Variants in BTBD9 observed in about 807,000 individuals in gnomAD.
BTBD9 encodes the protein BTB/POZ domain-containing protein 9.
A neutral mutation model predicts 64.3 loss-of-function variants in BTBD9; 49 were observed. That is an observed-to-expected ratio of 0.76 (90% CI 0.61 to 0.97). BTBD9 has a LOEUF of 0.97. Ranked by LOEUF, BTBD9 falls within the 50% of genes least tolerant of loss-of-function variation. The probability of loss-of-function intolerance (pLI) is 0.00; values close to 1 mark genes in which losing one functional copy is unlikely to be tolerated. For synonymous variants in BTBD9, 260 were observed against 274.7 expected, an observed-to-expected ratio of 0.95 and a Z score of 0.53; for missense variants, 598 against 762.1, an observed-to-expected ratio of 0.78 and a Z score of 2.53.
chr6:38,505,969 A>C (rs1333683447), intron 6 of BTBD9, among the ~76,000 whole-genome samples: 1 of 112,246 alleles, frequency 8.9e-6, no homozygotes, highest in Non-Finnish European at 1.7e-5. Context: ...CTCAACAAAA[A>C]AAAAAAAAAA....
intron 8 of BTBD9, among the ~76,000 whole-genome samples, chr6:38,269,614 C>T (rs1427977375): frequency 6.6e-5 from 10 of 151,342 alleles, no homozygotes; most frequent in East Asian, 1.9e-4. Context: ...TTTTTCCCTG[C>T]GATCACCTAT....
intron 9 of BTBD9, 84 bp from the exon 10 acceptor site, chr6:38,192,681 G>C: frequency 8.0e-7 from 1 of 1,243,894 alleles, no homozygotes; most frequent in Non-Finnish European, 1.2e-6. Flanking sequence ...TGTCCACTGA[G>C]GAGGGAGGGC....
intron 2 of BTBD9, among the ~76,000 whole-genome samples, chr6:38,597,214 A>C (rs1777072988): frequency 6.6e-6 from 1 of 152,210 alleles, no homozygotes; most frequent in South Asian, 2.1e-4. Flanking sequence ...AAGGTAATTG[A>C]AATTTTCTCT....
rs181701641 is a variant in BTBD9, at chr6:38,326,054, C to G, written c.1264+18930G>C. On this transcript the variant is annotated intron_variant, in intron 7 of 10. Coordinates refer to ENST00000481247, the MANE Select transcript of BTBD9 (RefSeq NM_001099272.2). The stretch of plus-strand genomic sequence containing the variant: ...TAAGCATCATACTAAGAAACTTTAC[C>G]AAGACTAGGGGTAGGGGGGGTCAGG... Among the ~76,000 whole-genome samples, 283 of 151,968 alleles carry G rather than the reference C, an allele frequency of 1.9e-3. 1 individual carries two copies. The highest frequency in any genetic ancestry group is 6.3e-3 in the African/African-American group (259 of 41,430).
chr6:38,264,775 T>C (rs1272467964), intron 8 of BTBD9, among the ~76,000 whole-genome samples: 2 of 152,178 alleles, frequency 1.3e-5, no homozygotes, highest in South Asian at 2.1e-4. Context: ...AGCGGGAGCC[T>C]AGAGCCCAGT....
chr6:38,326,695 G>C (rs1185060915), intron 7 of BTBD9, among the ~76,000 whole-genome samples: 1 of 150,680 alleles, frequency 6.6e-6, no homozygotes, highest in Non-Finnish European at 1.5e-5. Context: ...GTTTTACTGA[G>C]ATGTGCTTCC....
At chr6:38,399,615 T>C (rs1230708106) in intron 6 of BTBD9, among the ~76,000 whole-genome samples, 1 of 145,820 alleles carries the variant, frequency 6.9e-6, no homozygotes, top group Non-Finnish European at 1.5e-5. Context: ...TATTCTCTTT[T>C]TCCTAAGTAA....
At chr6:38,540,015 A>G (rs1271872098) in intron 6 of BTBD9, among the ~76,000 whole-genome samples, 1 of 152,176 alleles carries the variant, frequency 6.6e-6, no homozygotes, top group Non-Finnish European at 1.5e-5. Flanking sequence ...CTTTTTCCTT[A>G]AAAGTCAAGG....
chr6:38,284,714 T>C (rs912280215), intron 8 of BTBD9, among the ~76,000 whole-genome samples: 1 of 152,078 alleles, frequency 6.6e-6, no homozygotes, highest in Non-Finnish European at 1.5e-5. Context: ...CTGATAGAAA[T>C]TGTATACAAA....
chr6:38,626,469 GT>G (rs1778172516), intron 1 of BTBD9, among the ~76,000 whole-genome samples: 1 of 152,090 alleles, frequency 6.6e-6, no homozygotes, highest in African/African-American at 2.4e-5. Flanking sequence ...TAGACTACAA[GT>G]TTTTTTGTGG....
At position 38,174,900 on chromosome 6, in the gene BTBD9, A is replaced by AC; in HGVS notation, c.*84_*85insG. The AC allele has an allele frequency of 1.3e-6, 2 of 1,497,816 alleles. No homozygotes were observed. The highest frequency in any genetic ancestry group is 1.8e-6 in the Non-Finnish European group (2 of 1,097,730). 92.8% of individuals were successfully genotyped at this position (1,497,816 alleles called of 1,614,324 possible). A position where few individuals can be genotyped will look rare whatever the true frequency, so the allele number is the denominator to read the frequency against. On this transcript the variant is annotated 3_prime_UTR_variant, in exon 11 of 11. Coordinates refer to ENST00000481247, the MANE Select transcript of BTBD9 (RefSeq NM_001099272.2). ...CCTGGAAAGGGGCAGAGGTGGGGGC[A>AC]GTCAACAGAGACCCCTGCTCAGGGA...
Position 38,592,676 on chromosome 6 carries a change from A to C in BTBD9, c.714T>G (p.Val238=). 2 of 1,614,164 alleles carry C rather than the reference A, an allele frequency of 1.2e-6. No homozygotes were observed. Among genetic ancestry groups the C allele is most frequent in the Non-Finnish European group, 1.7e-6 (2 of 1,180,018 alleles). The change falls in exon 4 of 11, where the codon GTT becomes GTG. Residue 238 remains valine, a synonymous_variant. Coordinates refer to ENST00000481247, the MANE Select transcript of BTBD9 (RefSeq NM_001099272.2). ...PLMSLTELLN[V]VRPSGLLSPD... is the part of the protein sequence containing the mutation. Reference sequence around the variant, plus strand: ...GAGACAGCAGTCCTGAAGGCCTCACAACATTCAGAAGCTCTGTGAGGCTCA... The same window carrying C: ...GAGACAGCAGTCCTGAAGGCCTCACCACATTCAGAAGCTCTGTGAGGCTCA...
intron 7 of BTBD9, among the ~76,000 whole-genome samples, chr6:38,315,010 G>A (rs949822744): frequency 3.3e-5 from 5 of 151,924 alleles, no homozygotes; most frequent in African/African-American, 1.2e-4. Flanking sequence ...CACCACATCT[G>A]GCTAATTTTT....
At chr6:38,386,629 T>TC (rs1459964923) in intron 6 of BTBD9, among the ~76,000 whole-genome samples, 4 of 129,674 alleles carry the variant, frequency 3.1e-5, no homozygotes, top group African/African-American at 1.2e-4. Context: ...TCCAGTTTAC[T>TC]CTTTTTTTTT....
chr6:38,246,461 C>T (rs1049421359), intron 9 of BTBD9, among the ~76,000 whole-genome samples: 3 of 150,910 alleles, frequency 2.0e-5, no homozygotes, highest in East Asian at 2.0e-4. Flanking sequence ...CGTGCACGTA[C>T]GTGTGTGTGT....
chr6:38,577,520 GA>G, intron 6 of BTBD9, 79 bp downstream of exon 6: 2 of 1,393,878 alleles, frequency 1.4e-6, no homozygotes, highest in African/African-American at 2.9e-5. Flanking sequence ...TTTTCAAGAT[GA>G]AAAATGCAGT....
intron 6 of BTBD9, among the ~76,000 whole-genome samples, chr6:38,542,839 T>C (rs1436807264): frequency 6.6e-6 from 1 of 152,186 alleles, no homozygotes; most frequent in African/African-American, 2.4e-5. Flanking sequence ...CAATGCAATC[T>C]TATTTTGCTT....
chr6:38,469,445 C>T (rs116345219), intron 6 of BTBD9, among the ~76,000 whole-genome samples: 7,564 of 151,724 alleles, frequency 0.05, 273 homozygotes, highest in Middle Eastern at 0.14. Flanking sequence ...CAGCCTCCAG[C>T]GTAGCTGGGA....
chr6:38,300,289 C>T (rs1028361401), intron 7 of BTBD9, among the ~76,000 whole-genome samples: 5 of 152,172 alleles, frequency 3.3e-5, no homozygotes, highest in Admixed American at 6.5e-5. Flanking sequence ...AGTCAGGTAG[C>T]GTGATGCCTC....
Sources: gnomAD v4.1 joint callset for allele counts (sites outside exome capture counted in the v4.1 genomes callset) on GRCh38, gnomAD v4.1.1 for gene constraint, MANE v1.5 for transcripts, NCBI Gene and HGNC (gene_info 2026-07-23, HGNC 2026-07-21) for gene names.